Variants in PLEKHA8 observed in about 807,000 individuals in gnomAD.
The protein encoded by PLEKHA8 is pleckstrin homology domain containing A8.
Under a neutral mutation model 68.2 loss-of-function variants are expected in PLEKHA8, and 36 were observed. That is an observed-to-expected ratio of 0.53 (90% CI 0.40 to 0.70). PLEKHA8 has a LOEUF of 0.70. PLEKHA8 is among the 30% of genes least tolerant of loss of function. The pLI, the probability that PLEKHA8 is intolerant of heterozygous loss-of-function variation, is 0.00. For missense variants in PLEKHA8, 505 were observed against 615.4 expected, an observed-to-expected ratio of 0.82 and a Z score of 1.90; for synonymous variants, 211 against 216.1, an observed-to-expected ratio of 0.98 and a Z score of 0.20.
At chr7:30,066,224 T>G (rs1793838199) in intron 12 of PLEKHA8, among the ~76,000 whole-genome samples, 1 of 152,214 alleles carries the variant, frequency 6.6e-6, no homozygotes, top group Non-Finnish European at 1.5e-5. Flanking sequence ...TAAGTAAGGT[T>G]TGAGGTGAAT....
chr7:30,129,311 C>T, exon 14 of PLEKHA8: 1 of 1,612,660 alleles, frequency 6.2e-7, no homozygotes, highest in Non-Finnish European at 8.5e-7. Context: ...CCATCATGGA[C>T]CATGAGGCAA....
At position 30,074,109 on chromosome 7, in the gene PLEKHA8, T is replaced by A. The variant is rs753817353; in HGVS notation, c.1339T>A (p.Trp447Arg). 6.2e-7 allele frequency: 1 copy of A among 1,613,292 alleles called. No homozygotes were observed. The highest frequency in any genetic ancestry group is 1.7e-5 in the Admixed American group (1 of 59,978). ...TAAAACATTGCGGCAACACCATGGC[T>A]GGGTAGTTCGAGGGGTTTTTGCGGT... is the stretch of plus-strand genomic sequence containing the variant. ...YGKTLRQHHG[W>R]VVRGVFALAL... is the part of the protein sequence containing the mutation. The change falls in exon 13 of 14, where the codon TGG becomes AGG. Residue 447 changes from tryptophan (W) to arginine (R), a missense_variant. By Grantham distance (101) the Trp-to-Arg change is moderately radical. Transcript: ENST00000449726.
chr7:30,074,226 C>A, intron 13 of PLEKHA8, 94 bp downstream of exon 13: 1 of 1,076,226 alleles, frequency 9.3e-7, no homozygotes, highest in South Asian at 1.4e-5. Context: ...TTTATCTAGT[C>A]ATGATTGTCA....
Position 30,049,146 on chromosome 7 carries a change from A to G in PLEKHA8, c.439-78A>G, listed in dbSNP as rs111713487. ...GTACATTATTATTATTTTGTGGGCA[A>G]CCTCTAAGGACATTCCACAATTGGG... is the stretch of plus-strand genomic sequence containing the variant. On this transcript the variant is annotated intron_variant, in intron 4 of 13. Coordinates refer to ENST00000449726, the MANE Select transcript of PLEKHA8 (RefSeq NM_001197026.2). The G allele has an allele frequency of 8.0e-5, 124 of 1,545,076 alleles. 1 individual carries two copies. The highest frequency in any genetic ancestry group is 6.3e-4 in the African/African-American group (46 of 73,178).
chr7:30,032,845 G>A (rs1790768041), intron 1 of PLEKHA8, among the ~76,000 whole-genome samples: 1 of 152,230 alleles, frequency 6.6e-6, no homozygotes, highest in African/African-American at 2.4e-5. Context: ...TAGGAGGGCT[G>A]CTGTTGTGAA....
chr7:30,067,702 A>G (rs1793955665), intron 12 of PLEKHA8, among the ~76,000 whole-genome samples: 1 of 152,196 alleles, frequency 6.6e-6, no homozygotes, highest in African/African-American at 2.4e-5. Context: ...ATTGGACTAC[A>G]TGTTTTAAAC....
In PLEKHA8 at chr7:30,079,048, A is replaced by G. The variant is rs1794787339; in HGVS notation, c.*261A>G. The G allele has an allele frequency of 8.2e-7, 1 of 1,224,486 alleles. No individual in the cohort carries two copies. Among genetic ancestry groups the G allele is most frequent in the Admixed American group, 4.0e-5 (1 of 25,158 alleles). 75.9% of individuals were successfully genotyped at this position (1,224,486 alleles called of 1,614,324 possible). A position where few individuals can be genotyped will look rare whatever the true frequency, so the allele number is the denominator to read the frequency against. On this transcript the variant is annotated 3_prime_UTR_variant, in exon 14 of 14. Coordinates refer to ENST00000449726, the MANE Select transcript of PLEKHA8 (RefSeq NM_001197026.2). ...GCTGTAGACTTGAACAGCAAGTTATAAGAGCAGATTTAACAAACAAATTTG... is the reference window on the plus strand; with the variant it reads ...GCTGTAGACTTGAACAGCAAGTTATGAGAGCAGATTTAACAAACAAATTTG...
At chr7:30,049,861 C>T (rs1792268605) in intron 5 of PLEKHA8, among the ~76,000 whole-genome samples, 1 of 152,208 alleles carries the variant, frequency 6.6e-6, no homozygotes, top group Non-Finnish European at 1.5e-5. Flanking sequence ...ATAATTCCTT[C>T]CACTCCTTTG....
intron 13 of PLEKHA8, among the ~76,000 whole-genome samples, chr7:30,128,234 G>T (rs976878803): frequency 1.6e-4 from 25 of 152,074 alleles, no homozygotes; most frequent in Non-Finnish European, 1.5e-5. Context: ...AGCCTCCTAA[G>T]TAGCTGGGAT....
At position 30,079,073 on chromosome 7, in the gene PLEKHA8, G is replaced by T; in HGVS notation, c.*286G>T. On this transcript the variant is annotated 3_prime_UTR_variant, in exon 14 of 14. Transcript: ENST00000449726. ...AAGAGCAGATTTAACAAACAAATTT[G>T]CTGTTATTGTGTATTGTATTGTTTT... 4 of 1,164,470 alleles carry T rather than the reference G, an allele frequency of 3.4e-6. No individual in the cohort carries two copies. The highest frequency in any genetic ancestry group is 4.2e-6 in the Non-Finnish European group (4 of 942,950). 72.1% of individuals were successfully genotyped at this position (1,164,470 alleles called of 1,614,324 possible).
intron 6 of PLEKHA8, among the ~76,000 whole-genome samples, chr7:30,051,889 C>T (rs1477921395): frequency 1.3e-5 from 2 of 152,158 alleles, no homozygotes; most frequent in African/African-American, 4.8e-5. Flanking sequence ...AGGAGAATCA[C>T]TTGAACCCGG....
rs372417881 is a variant in PLEKHA8 at position 30,082,570 on chromosome 7, T to C, written c.*3783T>C. The C allele has an allele frequency of 1.0e-6, 1 of 985,310 alleles. No individual in the cohort carries two copies. Among genetic ancestry groups the C allele is most frequent in the African/African-American group, 1.7e-5 (1 of 57,328 alleles). The allele number at this position is 985,310 out of a possible 1,614,324, so 61.0% of individuals were successfully genotyped here. ...TTAGAGGAGTGCAGCGGAAAAAAAT[T>C]TGCACTCTTCTCCTTTTGGTTATTA... On this transcript the variant is annotated 3_prime_UTR_variant, in exon 14 of 14. Coordinates refer to ENST00000449726, the MANE Select transcript of PLEKHA8 (RefSeq NM_001197026.2).
chr7:30,081,682 G>A lies in PLEKHA8; in HGVS notation c.*2895G>A. On this transcript the variant is annotated 3_prime_UTR_variant, in exon 14 of 14. Transcript: ENST00000449726. The stretch of plus-strand genomic sequence containing the variant: ...TTCTCATCGCTCAAAGCATTTTTAG[G>A]ATTATTTTTCTAGCGTAACCTTTAG... 1.0e-6 allele frequency: 1 copy of A among 985,254 alleles called. No individual in the cohort carries two copies. The highest frequency in any genetic ancestry group is 1.2e-6 in the Non-Finnish European group (1 of 829,836). The allele number at this position is 985,254 out of a possible 1,614,324, so 61.0% of individuals were successfully genotyped here. A position where few individuals can be genotyped will look rare whatever the true frequency, so the allele number is the denominator to read the frequency against.
At chr7:30,095,925 T>A (rs1795599816) in intron 13 of PLEKHA8, among the ~76,000 whole-genome samples, 1 of 152,238 alleles carries the variant, frequency 6.6e-6, no homozygotes, top group African/African-American at 2.4e-5. Context: ...TTGGTTACTG[T>A]AGCCTTGTAG....
At chr7:30,068,740 A>T (rs1343953412) in intron 12 of PLEKHA8, among the ~76,000 whole-genome samples, 3 of 152,182 alleles carry the variant, frequency 2.0e-5, no homozygotes, top group Non-Finnish European at 4.4e-5. Context: ...GTTTTTATGT[A>T]ATCAGACATG....
In PLEKHA8 at chr7:30,129,125, A is replaced by G. The variant is rs545590266; in HGVS notation, c.1363-141A>G. ...TCTCCTTTTCTTCCTTAGCAATAAG[A>G]TTCTGGAAAATATACCTTGCTGAAA... On this transcript the variant is annotated intron_variant, in intron 13 of 13. Coordinates refer to the PLEKHA8 transcript ENST00000396257. The G allele has an allele frequency of 4.4e-5, 52 of 1,181,432 alleles. No individual in the cohort carries two copies. The African/African-American group carries it at 7.4e-4, about 17-fold the overall frequency. 73.2% of individuals were successfully genotyped at this position (1,181,432 alleles called of 1,614,324 possible). A position where few individuals can be genotyped will look rare whatever the true frequency, so the allele number is the denominator to read the frequency against.
intron 13 of PLEKHA8, among the ~76,000 whole-genome samples, chr7:30,113,646 C>A (rs143717090): frequency 6.6e-6 from 1 of 152,164 alleles, no homozygotes; most frequent in African/African-American, 2.4e-5. Context: ...TCTTTGAATA[C>A]TACCACCTCA....
chr7:30,116,107 TAC>T (rs1275369180), intron 13 of PLEKHA8: 1 of 150,740 alleles, frequency 6.6e-6, no homozygotes, highest in Admixed American at 6.6e-5. Flanking sequence ...TACATACGCA[TAC>T]ATACACGTAT....
At chr7:30,091,396 G>A (rs539327237), downstream of PLEKHA8, among the ~76,000 whole-genome samples, 11 of 151,960 alleles carry the variant, frequency 7.2e-5, no homozygotes, top group South Asian at 1.7e-3. Context: ...GTGGACCCCC[G>A]GCAGGTGCTG....
Sources: allele counts gnomAD v4.1 joint callset (sites outside exome capture counted in the v4.1 genomes callset), GRCh38; gene constraint gnomAD v4.1.1; transcripts MANE v1.5; gene names NCBI Gene and HGNC (gene_info 2026-07-23, HGNC 2026-07-21).